HECTD4: variants seen among roughly 807,000 people sequenced by gnomAD.
HECTD4 encodes HECT domain E3 ubiquitin protein ligase 4, also known as probable E3 ubiquitin-protein ligase HECTD4.
HECTD4 carries 114 observed loss-of-function variants against 471.5 expected under a neutral mutation model. The observed-to-expected ratio is 0.24, with a 90% CI of 0.21 to 0.28. The LOEUF (loss-of-function observed/expected upper bound fraction) is 0.28. Ranked by LOEUF, HECTD4 falls within the 10% of genes least tolerant of loss-of-function variation. The pLI, the probability that HECTD4 is intolerant of heterozygous loss-of-function variation, is 1.00. For missense variants in HECTD4, 3,866 were observed against 5,651.5 expected (o/e 0.68, Z 10.13); for synonymous variants, 2,012 against 2,256.0 (o/e 0.89, Z 3.07).
At chr12:112,255,523 C>T (rs967420125) in intron 21 of HECTD4, among the ~76,000 whole-genome samples, 1 of 152,086 alleles carries the variant, frequency 6.6e-6, no homozygotes, top group African/African-American at 2.4e-5. Context: ...AAAACCTCCC[C>T]GGATAGAATT....
intron 24 of HECTD4, among the ~76,000 whole-genome samples, chr12:112,250,713 ATCAT>A (rs2033863077): frequency 1.3e-5 from 2 of 152,202 alleles, no homozygotes; most frequent in Non-Finnish European, 1.5e-5. Context: ...TCCTCTTGGG[ATCAT>A]TCAATTTAAT....
At position 112,178,964 on chromosome 12, in the gene HECTD4, G is replaced by A. The variant is rs1279592880; in HGVS notation, c.11330C>T (p.Pro3777Leu). 6.2e-7 allele frequency: 1 copy of A among 1,612,720 alleles called. No homozygotes were observed. Among genetic ancestry groups the A allele is most frequent in the Non-Finnish European group, 8.5e-7 (1 of 1,179,664 alleles). ...GTTGAGCACAGCCTTGTCCTTGGCG[G>A]GCGGCTTGGTGATAGGCCGCTTGGT... is the stretch of plus-strand genomic sequence containing the variant. ...VSTKRPITKPPAKDKAVLNSV... is the reference protein window; with the variant it reads ...VSTKRPITKPLAKDKAVLNSV... The change falls in exon 64 of 76, where the codon CCC (proline) becomes CTC (leucine). Residue 3777 changes from proline to leucine, a missense_variant. By Grantham distance (98) the Pro-to-Leu change is moderately conservative. Transcript: ENST00000682272.
chr12:112,268,125 CT>C (rs1163735856), intron 13 of HECTD4, among the ~76,000 whole-genome samples: 6 of 152,160 alleles, frequency 3.9e-5, no homozygotes, highest in African/African-American at 1.4e-4. Context: ...CACTCAGCCT[CT>C]TTTCTTTTTT....
At chr12:112,306,639 G>A (rs983455378) in intron 6 of HECTD4, among the ~76,000 whole-genome samples, 3 of 151,992 alleles carry the variant, frequency 2.0e-5, no homozygotes, top group Non-Finnish European at 4.4e-5. Context: ...TTATTTAAAG[G>A]ACAAGAACTG....
At chr12:112,180,526 C>T (rs1216440253) in intron 62 of HECTD4, among the ~76,000 whole-genome samples, 6 of 149,798 alleles carry the variant, frequency 4.0e-5, no homozygotes, top group Non-Finnish European at 8.9e-5. Flanking sequence ...CAGAGTGAGA[C>T]TGTTTAAAAA....
At position 112,217,068 on chromosome 12, in the gene HECTD4, G is replaced by C; in HGVS notation, c.7202C>G (p.Thr2401Ser). ...CAGTGGTGAAGTGGCATAGATAAAA[G>C]TGCCCCGGGGCAGGCCTCCCCCAGC... Reference protein sequence around the residue: ...PSAGGGLPRGTFIYATSPLPV... With the variant: ...PSAGGGLPRGSFIYATSPLPV... The change falls in exon 46 of 76, where the codon ACT becomes AGT. Residue 2401 changes from threonine to serine, a missense_variant. Coordinates refer to ENST00000682272, the MANE Select transcript of HECTD4 (RefSeq NM_001388303.1). 1 of 1,582,864 alleles carries C rather than the reference G, an allele frequency of 6.3e-7. No individual in the cohort carries two copies. Among genetic ancestry groups the C allele is most frequent in the Non-Finnish European group, 8.6e-7 (1 of 1,163,872 alleles).
intron 17 of HECTD4, 94 bp downstream of exon 17, chr12:112,263,990 T>C: frequency 8.3e-7 from 1 of 1,200,982 alleles, no homozygotes; most frequent in Non-Finnish European, 1.1e-6. Flanking sequence ...AGCCACAAGG[T>C]GAATTCTGAC....
rs1360517962 is a variant in HECTD4 at position 112,194,280 on chromosome 12, G to A, written c.8749+605C>T. 1.3e-5 allele frequency among the ~76,000 whole-genome samples: 2 copies of A among 152,256 alleles called. No individual in the cohort carries two copies. The highest frequency in any genetic ancestry group is 2.4e-5 in the African/African-American group (1 of 41,470). ...AGCCTAGATTGCTATCTGCAAGTGAGCTTTGAGGGGTGTCCCCTGCCTGCC... is the reference window on the plus strand; with the variant it reads ...AGCCTAGATTGCTATCTGCAAGTGAACTTTGAGGGGTGTCCCCTGCCTGCC... On this transcript the variant is annotated intron_variant, in intron 56 of 75. Transcript: ENST00000682272. The surrounding 1 kb of genome is among the most constrained non-coding windows in gnomAD (Gnocchi z 4.6).
At chr12:112,230,960 A>C in intron 39 of HECTD4, 138 bp from the exon 40 acceptor site, 2 of 726,762 alleles carry the variant, frequency 2.8e-6, no homozygotes, top group Non-Finnish European at 4.4e-6. Flanking sequence ...CGAGAAAACA[A>C]GAAGCTACAT....
intron 54 of HECTD4, chr12:112,203,435 T>C: frequency 2.2e-6 from 1 of 464,852 alleles, no homozygotes. Context: ...GAGCCTACCA[T>C]CTACTGCCAG....
chr12:112,269,827 C>T lies in HECTD4; in HGVS notation c.2198G>A (p.Ser733Asn). ...GTCTCGATTCCTTTCAGTTTGTGGGCTGAAGAAAAATTTAAATACCACCTA... is the reference window on the plus strand; with the variant it reads ...GTCTCGATTCCTTTCAGTTTGTGGGTTGAAGAAAAATTTAAATACCACCTA... ...VFQVVFKFFF[S>N]PQTERNRDII... The change falls in exon 13 of 76, where the codon AGC (serine) becomes AAC (asparagine). Residue 733 changes from serine (S) to asparagine (N), a missense_variant. Around this residue, in one of 16 missense-constraint regions of HECTD4, gnomAD observed 525 missense variants for 672.6 expected, o/e 0.78. Transcript: ENST00000682272. 1.2e-6 allele frequency: 2 copies of T among 1,613,780 alleles called. No homozygotes were observed. Among genetic ancestry groups the T allele is most frequent in the Non-Finnish European group, 1.7e-6 (2 of 1,179,798 alleles).
At chr12:112,191,018 T>A (rs1027365887) in intron 59 of HECTD4, 53 bp from the exon 60 acceptor site, 38 of 1,457,630 alleles carry the variant, frequency 2.6e-5, no homozygotes, top group Non-Finnish European at 3.4e-5. Flanking sequence ...CTGACCCAAA[T>A]AAGCCTCACA....
intron 54 of HECTD4, 37 bp downstream of exon 54, chr12:112,203,599 T>A: frequency 6.3e-7 from 1 of 1,578,050 alleles, no homozygotes; most frequent in Non-Finnish European, 8.7e-7. Flanking sequence ...TCAGTATATA[T>A]AAAATAGCTT....
In HECTD4 at chr12:112,194,635, T is replaced by G. The variant is rs770531885; in HGVS notation, c.8749+250A>C. ...TTTCATAAGTAATACTTAATTTTCC[T>G]TGATCCACAATTACGTTGGGAAACT... On this transcript the variant is annotated intron_variant, in intron 56 of 75. Transcript: ENST00000682272. The surrounding 1 kb of genome is among the most constrained non-coding windows in gnomAD (Gnocchi z 4.6). Among the ~76,000 whole-genome samples, 2 of 152,258 alleles carry G rather than the reference T, an allele frequency of 1.3e-5. No individual in the cohort carries two copies. Among genetic ancestry groups the G allele is most frequent in the Non-Finnish European group, 2.9e-5 (2 of 68,046 alleles).
At chr12:112,333,866 T>G (rs1189240753) in intron 1 of HECTD4, among the ~76,000 whole-genome samples, 1 of 152,172 alleles carries the variant, frequency 6.6e-6, no homozygotes, top group Non-Finnish European at 1.5e-5. Flanking sequence ...ATTTCTCATA[T>G]GTATTCTACA....
intron 23 of HECTD4, among the ~76,000 whole-genome samples, chr12:112,251,829 G>C (rs1381614606): frequency 1.3e-5 from 2 of 152,204 alleles, no homozygotes; most frequent in African/African-American, 2.4e-5. Context: ...CTGGAGTACA[G>C]TGGCATGATC....
chr12:112,200,859 G>T, intron 54 of HECTD4, 61 bp from the exon 55 acceptor site: 1 of 1,505,986 alleles, frequency 6.6e-7, no homozygotes, highest in Non-Finnish European at 9.1e-7. Flanking sequence ...ATGTGTGCGT[G>T]CGTGCGTGTG....
At chr12:112,180,626 G>A (rs2031633858) in intron 62 of HECTD4, among the ~76,000 whole-genome samples, 1 of 151,772 alleles carries the variant, frequency 6.6e-6, no homozygotes, top group Non-Finnish European at 1.5e-5. Flanking sequence ...AGTACCAAAA[G>A]ACCAGGTACC....
chr12:112,229,933 T>C lies in HECTD4; in HGVS notation c.6337-53A>G. 9.3e-6 allele frequency: 14 copies of C among 1,506,136 alleles called. 1 individual carries two copies. In the South Asian group the frequency reaches 1.4e-4, roughly 15 times the overall value. The allele number at this position is 1,506,136 out of a possible 1,614,324, so 93.3% of individuals were successfully genotyped here. On this transcript the variant is annotated intron_variant, in intron 40 of 75. Transcript: ENST00000682272. ...GGAGTTAAAGCTTTGGTTGTTTTGA[T>C]GCCAAGGGTGATAAAGTGTCTACAA... is the stretch of plus-strand genomic sequence containing the variant.
Sources: allele counts gnomAD v4.1 joint callset (sites outside exome capture counted in the v4.1 genomes callset), GRCh38; gene constraint gnomAD v4.1.1; regional missense constraint gnomAD v4.1.1; non-coding constraint Gnocchi (gnomAD v3.1); transcripts MANE v1.5; gene names NCBI Gene and HGNC (gene_info 2026-07-23, HGNC 2026-07-21).